NSD2: variants seen among roughly 807,000 people sequenced by gnomAD.
NSD2 encodes histone-lysine N-methyltransferase NSD2.
In NSD2, 12 loss-of-function variants were observed where a neutral mutation model predicts 139.0. The ratio of observed to expected loss-of-function variants is 0.09; its 90% CI spans 0.06 to 0.14. The LOEUF is 0.14. Among genes scored for constraint, NSD2 ranks in the 10% least tolerant of loss-of-function variants. The pLI is 1.00. For missense variants in NSD2, 1,155 were observed against 1,745.0 expected (o/e 0.66, Z 6.02); for synonymous variants, 669 against 648.7 (o/e 1.03, Z -0.48).
chr4:1,964,435 G>A (rs1725667709), intron 18 of NSD2, among the ~76,000 whole-genome samples: 1 of 152,168 alleles, frequency 6.6e-6, no homozygotes, highest in Non-Finnish European at 1.5e-5. Context: ...GGTTAATTTT[G>A]GTTTCAGCTC....
At chr4:1,977,806 C>CAAACAAACAAAAAACAAAACT (rs1727260127) in intron 21 of NSD2, among the ~76,000 whole-genome samples, 1 of 142,344 alleles carries the variant, frequency 7.0e-6, no homozygotes, top group African/African-American at 2.8e-5. Flanking sequence ...AAAAAAAAAC[C>CAAACAAACAAAAAACAAAACT]AAACAAACAA....
chr4:1,938,589 T>TGGGTGGGGGGGGGGGGG, intron 8 of NSD2, 57 bp downstream of exon 8: 1 of 537,352 alleles, frequency 1.9e-6, no homozygotes, highest in African/African-American at 2.2e-5. Flanking sequence ...CTGGGCTGGG[T>TGGGTGGGGGGGGGGGGG]GGGTGGGCTG....
intron 1 of NSD2, among the ~76,000 whole-genome samples, chr4:1,875,629 G>A (rs1016943354): frequency 5.3e-5 from 8 of 152,204 alleles, no homozygotes; most frequent in Admixed American, 5.2e-4. Flanking sequence ...TTGGCCGGGT[G>A]CAGTGGCTCA....
At chr4:1,952,760 C>T (rs1272563325) in intron 11 of NSD2, 53 of 1,099,182 alleles carry the variant, frequency 4.8e-5, no homozygotes, top group Non-Finnish European at 5.7e-5. Context: ...AGGTGTCGCC[C>T]GGCACAGTCT....
Position 1,942,664 on chromosome 4 carries a change from C to A in NSD2, c.1881+2886C>A. 1 of 1,164,584 alleles carries A rather than the reference C, an allele frequency of 8.6e-7. No individual in the cohort carries two copies. Among genetic ancestry groups the A allele is most frequent in the Non-Finnish European group, 1.1e-6 (1 of 940,452 alleles). 72.1% of individuals were successfully genotyped at this position (1,164,584 alleles called of 1,614,324 possible). A position where few individuals can be genotyped will look rare whatever the true frequency, so the allele number is the denominator to read the frequency against. On this transcript the variant is annotated intron_variant, in intron 9 of 21. Coordinates refer to ENST00000508803, the MANE Select transcript of NSD2 (RefSeq NM_001042424.3). The surrounding 1 kb of genome is among the most constrained non-coding windows in gnomAD (Gnocchi z 4.0). ...TCAATGTAGATTTCAAGTTGAAAGG[C>A]AGTCCCTTTAGTTGGGGGCTGTCCA...
Position 1,953,128 on chromosome 4 carries a change from G to A in NSD2, c.2138-196G>A. On this transcript the variant is annotated intron_variant, in intron 11 of 21. Coordinates refer to ENST00000508803, the MANE Select transcript of NSD2 (RefSeq NM_001042424.3). ...AGGTGAAGCTGGAGCTCAGATCGCAGCAAGGTAATCCTTGATGGCTGGATC... is the reference window on the plus strand; with the variant it reads ...AGGTGAAGCTGGAGCTCAGATCGCAACAAGGTAATCCTTGATGGCTGGATC... The A allele has an allele frequency of 1.9e-6, 3 of 1,542,830 alleles. No individual in the cohort carries two copies. The South Asian group carries it at 3.6e-5, about 18-fold the overall frequency.
Position 1,955,099 on chromosome 4 carries a change from C to T in NSD2, c.2339-62C>T, listed in dbSNP as rs182245560. On this transcript the variant is annotated intron_variant, in intron 12 of 21. Transcript: ENST00000508803. This position sits in a 1 kb window ranked among gnomAD's most constrained non-coding sequence, Gnocchi z 4.7. ...ATGGAGGCTGAGTAATTATTAGTTG[C>T]TCTTTTCACTATGACTGGAGTCAGT... 27 of 1,477,398 alleles carry T rather than the reference C, an allele frequency of 1.8e-5. No individual in the cohort carries two copies. In the African/African-American group the frequency reaches 2.9e-4, roughly 16 times the overall value. The allele number at this position is 1,477,398 out of a possible 1,614,324, so 91.5% of individuals were successfully genotyped here. A position where few individuals can be genotyped will look rare whatever the true frequency, so the allele number is the denominator to read the frequency against.
intron 5 of NSD2, among the ~76,000 whole-genome samples, chr4:1,921,870 C>T (rs542174797): frequency 7.9e-5 from 12 of 152,020 alleles, no homozygotes; most frequent in East Asian, 5.8e-4. Context: ...AATATTAGGC[C>T]GGGCGCGGTG....
chr4:1,966,773 A>T (rs1305896965), intron 18 of NSD2, among the ~76,000 whole-genome samples: 1 of 152,136 alleles, frequency 6.6e-6, no homozygotes, highest in Non-Finnish European at 1.5e-5. Context: ...TAAGCTACTC[A>T]TGTATTACTA....
At chr4:1,945,773 C>T in intron 9 of NSD2, 3 of 1,064,158 alleles carry the variant, frequency 2.8e-6, no homozygotes, top group Non-Finnish European at 3.4e-6. Flanking sequence ...TGCGTCTGGG[C>T]CTGAGACGTG....
intron 5 of NSD2, among the ~76,000 whole-genome samples, chr4:1,924,270 A>G (rs1720552710): frequency 6.6e-6 from 1 of 152,112 alleles, no homozygotes; most frequent in Admixed American, 6.5e-5. Context: ...CAAGCTCTGA[A>G]TGGACACTCC....
At chr4:1,957,861 A>G in intron 15 of NSD2, 72 bp from the exon 16 acceptor site, 1 of 1,395,632 alleles carries the variant, frequency 7.2e-7, no homozygotes, top group Admixed American at 2.0e-5. Context: ...AGTGAACTAT[A>G]AAAATATGGA....
At chr4:1,925,241 C>T (rs893901987) in intron 5 of NSD2, among the ~76,000 whole-genome samples, 2 of 152,104 alleles carry the variant, frequency 1.3e-5, no homozygotes, top group African/African-American at 4.8e-5. Flanking sequence ...GTCAGTTAAC[C>T]AATGGCCAAC....
chr4:1,975,781 C>A (rs1378009216), intron 20 of NSD2: 1 of 222,518 alleles, frequency 4.5e-6, no homozygotes, highest in Non-Finnish European at 8.9e-6. Context: ...ACCATTCTCC[C>A]TGCGAACATG....
chr4:1,950,331 C>G (rs1724076768), intron 9 of NSD2, among the ~76,000 whole-genome samples: 1 of 152,186 alleles, frequency 6.6e-6, no homozygotes. Context: ...TCCACTCGCT[C>G]AGGGATTCCA....
chr4:1,900,523 A>G (rs1717007795), intron 1 of NSD2, 103 bp from the exon 2 acceptor site: 3 of 683,866 alleles, frequency 4.4e-6, no homozygotes, highest in Middle Eastern at 3.1e-4. Context: ...ATTGCTTACA[A>G]AGAAAATCAG....
At chr4:1,977,007 G>A (rs941477894) in intron 21 of NSD2, among the ~76,000 whole-genome samples, 1 of 152,246 alleles carries the variant, frequency 6.6e-6, no homozygotes, top group African/African-American at 2.4e-5. Context: ...AGGAGGCGAC[G>A]CTGGGAACTA....
chr4:1,934,847 TAAAAAAAAAAAAAAAAA>T (rs34096276), intron 6 of NSD2, among the ~76,000 whole-genome samples: 2 of 20,704 alleles, frequency 9.7e-5, no homozygotes, highest in African/African-American at 3.9e-4. Context: ...GACTCCATCT[TAAAAAAAAAAAAAAAAA>T]AAAAAAAAAA....
intron 10 of NSD2, 101 bp downstream of exon 10, chr4:1,951,304 C>T: frequency 6.7e-7 from 1 of 1,491,818 alleles, no homozygotes; most frequent in African/African-American, 1.4e-5. Context: ...CACCAGACCC[C>T]TTCCCCAATC....
Sources: allele counts gnomAD v4.1 joint callset (sites outside exome capture counted in the v4.1 genomes callset), GRCh38; gene constraint gnomAD v4.1.1; non-coding constraint Gnocchi (gnomAD v3.1); transcripts MANE v1.5; gene names NCBI Gene and HGNC (gene_info 2026-07-23, HGNC 2026-07-21).